ADPRM: variants seen among roughly 807,000 people sequenced by gnomAD.
ADPRM encodes the protein manganese-dependent ADP-ribose/CDP-alcohol diphosphatase.
A neutral mutation model predicts 27.2 loss-of-function variants in ADPRM; 17 were observed. The observed-to-expected ratio is 0.63, with a 90% CI of 0.43 to 0.94. The LOEUF (loss-of-function observed/expected upper bound fraction) is 0.94, where lower values mean the gene tolerates loss of function less well. ADPRM is among the 40% of genes least tolerant of loss of function. ADPRM has a pLI of 0.00. For synonymous variants in ADPRM, 135 were observed against 145.3 expected (o/e 0.93, Z 0.51); for missense variants, 337 against 412.8 (o/e 0.82, Z 1.59).
Position 10,697,640 on chromosome 17 carries a change from G to T in ADPRM, c.-45G>T. 1 of 1,160,280 alleles carries T rather than the reference G, an allele frequency of 8.6e-7. No individual in the cohort carries two copies. Among genetic ancestry groups the T allele is most frequent in the Non-Finnish European group, 1.3e-6 (1 of 797,726 alleles). 71.9% of individuals were successfully genotyped at this position (1,160,280 alleles called of 1,614,324 possible). Reference sequence around the variant, plus strand: ...CGCTGTTACATAGCCCGTAGTCAGAGGCCTTTCAGCCCAGGGGCCGGCGCA... The same window carrying T: ...CGCTGTTACATAGCCCGTAGTCAGATGCCTTTCAGCCCAGGGGCCGGCGCA... On this transcript the variant is annotated 5_prime_UTR_variant, in exon 1 of 4. It adds an upstream start codon to the 5' untranslated region. Coordinates refer to ENST00000379774, the MANE Select transcript of ADPRM (RefSeq NM_020233.5).
intron 3 of ADPRM, among the ~76,000 whole-genome samples, chr17:10,709,218 A>T (rs2074834388): frequency 6.6e-6 from 1 of 152,170 alleles, no homozygotes; most frequent in African/African-American, 2.4e-5. Context: ...GTGCGAGTGG[A>T]GAGGGTAGGG....
chr17:10,705,318 T>C lies in ADPRM; in HGVS notation c.392T>C (p.Leu131Pro). Residue 131 changes from leucine to proline, a missense_variant, in exon 2 of 4, where the codon CTA becomes CCA. By Grantham distance (98) the Leu-to-Pro change is moderately conservative. Coordinates refer to ENST00000379774, the MANE Select transcript of ADPRM (RefSeq NM_020233.5). This position sits in a 1 kb window ranked among gnomAD's most constrained non-coding sequence, Gnocchi z 5.4. The stretch of plus-strand genomic sequence containing the variant: ...CACTCTAAACTTAACACTAAGTTTC[T>C]AGAAGATCAGATTGTACATCATCCT... ...LTHSKLNTKF[L>P]EDQIVHHPET... The C allele has an allele frequency of 6.2e-7, 1 of 1,613,976 alleles. No homozygotes were observed. Among genetic ancestry groups the C allele is most frequent in the Non-Finnish European group, 8.5e-7 (1 of 1,179,940 alleles).
At chr17:10,708,386 C>T (rs1375715892) in intron 3 of ADPRM, among the ~76,000 whole-genome samples, 3 of 141,832 alleles carry the variant, frequency 2.1e-5, no homozygotes, top group Non-Finnish European at 4.5e-5. Context: ...CCAAGATCAC[C>T]CCACTGCACT....
intron 1 of ADPRM, among the ~76,000 whole-genome samples, chr17:10,699,518 C>CTTTTTTTTTTTTTTTTTT (rs781412834): frequency 5.3e-5 from 6 of 113,320 alleles, no homozygotes; most frequent in African/African-American, 1.7e-4. Context: ...TCTTTTCTTT[C>CTTTTTTTTTTTTTTTTTT]TTTTTTTTTT....
At chr17:10,709,444 C>T (rs979650188) in intron 3 of ADPRM, among the ~76,000 whole-genome samples, 2 of 152,130 alleles carry the variant, frequency 1.3e-5, no homozygotes, top group Non-Finnish European at 2.9e-5. Flanking sequence ...GAGGACCAAG[C>T]ATTCAGGCAC....
chr17:10,704,993 A>G lies in ADPRM; in HGVS notation c.67A>G (p.Ile23Val), dbSNP rs1465552115. 3.1e-6 allele frequency: 5 copies of G among 1,614,204 alleles called. No homozygotes were observed. The highest frequency in any genetic ancestry group is 8.5e-7 in the Non-Finnish European group (1 of 1,180,022). Residue 23 changes from isoleucine (I) to valine (V), a missense_variant, in exon 2 of 4, where the codon ATC becomes GTC. Transcript: ENST00000379774. ...AGAGCGTCTTTTCTCCTTTGGCGTC[A>G]TCGCAGATGTTCAATTTGCAGACTT... ...SSERLFSFGV[I>V]ADVQFADLED...
rs1344777702 is a variant in ADPRM at position 10,702,155 on chromosome 17, GGTCCCAAGCATTT to G, written c.-17-2754_-17-2742del. Reference sequence around the variant, plus strand: ...AAAGTCCGAAATCTAAAACACTTCTGGTCCCAAGCATTTTGGATAAGGAGATACTAACCTTATT... The same window carrying G: ...AAAGTCCGAAATCTAAAACACTTCTGTGGATAAGGAGATACTAACCTTATT... On this transcript the variant is annotated intron_variant, in intron 1 of 3. Coordinates refer to ENST00000379774, the MANE Select transcript of ADPRM (RefSeq NM_020233.5). The surrounding 1 kb of genome is among the most constrained non-coding windows in gnomAD (Gnocchi z 4.2). Among the ~76,000 whole-genome samples the G allele has an allele frequency of 6.6e-6, 1 of 152,124 alleles. No homozygotes were observed. The highest frequency in any genetic ancestry group is 1.5e-5 in the Non-Finnish European group (1 of 68,026).
chr17:10,705,816 A>T lies in ADPRM; in HGVS notation c.601+289A>T, dbSNP rs1435605494. Reference sequence around the variant, plus strand: ...TTTTGATGGATGGAATGGAGGGAACAAACACAGTACGTGGGCAAGACAGAT... The same window carrying T: ...TTTTGATGGATGGAATGGAGGGAACTAACACAGTACGTGGGCAAGACAGAT... On this transcript the variant is annotated intron_variant, in intron 2 of 3. Transcript: ENST00000379774. This position sits in a 1 kb window ranked among gnomAD's most constrained non-coding sequence, Gnocchi z 5.4. 7.2e-6 allele frequency: 3 copies of T among 419,046 alleles called. No homozygotes were observed. Among genetic ancestry groups the T allele is most frequent in the African/African-American group, 6.0e-5 (3 of 50,000 alleles). The allele number at this position is 419,046 out of a possible 1,614,324, so 26.0% of individuals were successfully genotyped here.
Position 10,705,564 on chromosome 17 carries a change from G to A in ADPRM, c.601+37G>A, listed in dbSNP as rs1362577224. 1.3e-6 allele frequency: 2 copies of A among 1,589,474 alleles called. No homozygotes were observed. The highest frequency in any genetic ancestry group is 1.4e-5 in the African/African-American group (1 of 74,060). Reference sequence around the variant, plus strand: ...CTTTGAGCTGAGAATCTAATAGATTGTCTTTAAATTCTTCAGCTACCTTTT... The same window carrying A: ...CTTTGAGCTGAGAATCTAATAGATTATCTTTAAATTCTTCAGCTACCTTTT... On this transcript the variant is annotated intron_variant, in intron 2 of 3. Coordinates refer to ENST00000379774, the MANE Select transcript of ADPRM (RefSeq NM_020233.5). The surrounding 1 kb of genome is among the most constrained non-coding windows in gnomAD (Gnocchi z 5.4).
In ADPRM at chr17:10,708,274, C is replaced by G. The variant is rs144467489; in HGVS notation, c.718+1720C>G. Among the ~76,000 whole-genome samples, 1,308 of 151,530 alleles carry G rather than the reference C, an allele frequency of 8.6e-3. 57 individuals are homozygous for G. The East Asian group carries it at 0.14, about 16-fold the overall frequency. ...TGAAACCCCGTCTCTACTAAAAATA[C>G]AAAAATTAGCCGGGCGTGGTGGCAG... On this transcript the variant is annotated intron_variant, in intron 3 of 3. Transcript: ENST00000379774.
At chr17:10,708,450 A>AAAC (rs57337863) in intron 3 of ADPRM, among the ~76,000 whole-genome samples, 60 of 118,946 alleles carry the variant, frequency 5.0e-4, no homozygotes, top group Admixed American at 5.8e-4. Context: ...AAAAAAAAAA[A>AAAC]CCTTTGAAAA....
rs552576571 is a variant in ADPRM at position 10,708,581 on chromosome 17, C to T, written c.718+2027C>T. 9.2e-5 allele frequency among the ~76,000 whole-genome samples: 14 copies of T among 151,986 alleles called. No homozygotes were observed. In the East Asian group the frequency reaches 2.6e-3, roughly 29 times the overall value. ...CGTAGAAGGAGCAGAAGTGTTTCTG[C>T]TAACACTGGAATACCAGGTGTCATT... is the stretch of plus-strand genomic sequence containing the variant. On this transcript the variant is annotated intron_variant, in intron 3 of 3. Transcript: ENST00000379774.
rs538529693 is a variant in ADPRM at position 10,711,385 on chromosome 17, A to G, written c.*241A>G. ...GGGGTGTATAGTCCTCATAAGGGGC[A>G]TATAGTCCTCATGAGGGATCTTATT... On this transcript the variant is annotated 3_prime_UTR_variant, in exon 4 of 4. Coordinates refer to ENST00000379774, the MANE Select transcript of ADPRM (RefSeq NM_020233.5). 6.6e-6 allele frequency among the ~76,000 whole-genome samples: 1 copy of G among 152,336 alleles called. No homozygotes were observed. The highest frequency in any genetic ancestry group is 1.9e-4 in the East Asian group (1 of 5,184).
Position 10,697,635 on chromosome 17 carries a change from T to C in ADPRM, c.-50T>C. 2 of 1,196,798 alleles carry C rather than the reference T, an allele frequency of 1.7e-6. No individual in the cohort carries two copies. The highest frequency in any genetic ancestry group is 2.0e-5 in the Admixed American group (1 of 50,984). 74.1% of individuals were successfully genotyped at this position (1,196,798 alleles called of 1,614,324 possible). ...GGTGGCGCTGTTACATAGCCCGTAGTCAGAGGCCTTTCAGCCCAGGGGCCG... is the reference window on the plus strand; with the variant it reads ...GGTGGCGCTGTTACATAGCCCGTAGCCAGAGGCCTTTCAGCCCAGGGGCCG... On this transcript the variant is annotated 5_prime_UTR_variant, in exon 1 of 4. Coordinates refer to ENST00000379774, the MANE Select transcript of ADPRM (RefSeq NM_020233.5).
chr17:10,705,827 G>C lies in ADPRM; in HGVS notation c.601+300G>C. 2.6e-6 allele frequency: 1 copy of C among 384,078 alleles called. No individual in the cohort carries two copies. The highest frequency in any genetic ancestry group is 4.8e-6 in the Non-Finnish European group (1 of 208,662). 23.8% of individuals were successfully genotyped at this position (384,078 alleles called of 1,614,324 possible). A position where few individuals can be genotyped will look rare whatever the true frequency, so the allele number is the denominator to read the frequency against. The stretch of plus-strand genomic sequence containing the variant: ...GGAATGGAGGGAACAAACACAGTAC[G>C]TGGGCAAGACAGATGATAAATGAAA... On this transcript the variant is annotated intron_variant, in intron 2 of 3. Transcript: ENST00000379774. The surrounding 1 kb of genome is among the most constrained non-coding windows in gnomAD (Gnocchi z 5.4).
chr17:10,702,354 T>G lies in ADPRM; in HGVS notation c.-17-2556T>G, dbSNP rs949940777. On this transcript the variant is annotated intron_variant, in intron 1 of 3. Transcript: ENST00000379774. This position sits in a 1 kb window ranked among gnomAD's most constrained non-coding sequence, Gnocchi z 4.2. ...TTGAGTTTTTCTAAACTGAACTTGTTCCAGTGGAAGGTGTATTTGAGAGGA... is the reference window on the plus strand; with the variant it reads ...TTGAGTTTTTCTAAACTGAACTTGTGCCAGTGGAAGGTGTATTTGAGAGGA... Among the ~76,000 whole-genome samples, 2 of 152,212 alleles carry G rather than the reference T, an allele frequency of 1.3e-5. No homozygotes were observed. Among genetic ancestry groups the G allele is most frequent in the Admixed American group, 1.3e-4 (2 of 15,280 alleles).
chr17:10,705,888 C>A lies in ADPRM; in HGVS notation c.601+361C>A. Reference sequence around the variant, plus strand: ...ATTATTTCCACGGTCGTAAGTGCTGCCAAGGAAATAGAGTATGATGTTATA... The same window carrying A: ...ATTATTTCCACGGTCGTAAGTGCTGACAAGGAAATAGAGTATGATGTTATA... On this transcript the variant is annotated intron_variant, in intron 2 of 3. Transcript: ENST00000379774. This position sits in a 1 kb window ranked among gnomAD's most constrained non-coding sequence, Gnocchi z 5.4. 1 of 276,870 alleles carries A rather than the reference C, an allele frequency of 3.6e-6. No individual in the cohort carries two copies. The highest frequency in any genetic ancestry group is 6.9e-6 in the Non-Finnish European group (1 of 144,836). The allele number at this position is 276,870 out of a possible 1,614,324, so 17.2% of individuals were successfully genotyped here. A position where few individuals can be genotyped will look rare whatever the true frequency, so the allele number is the denominator to read the frequency against.
Position 10,705,669 on chromosome 17 carries a change from C to T in ADPRM, c.601+142C>T, listed in dbSNP as rs77223753. 7.7e-7 allele frequency: 1 copy of T among 1,297,214 alleles called. No individual in the cohort carries two copies. The highest frequency in any genetic ancestry group is 2.5e-5 in the East Asian group (1 of 39,880). The allele number at this position is 1,297,214 out of a possible 1,614,324, so 80.4% of individuals were successfully genotyped here. On this transcript the variant is annotated intron_variant, in intron 2 of 3. Transcript: ENST00000379774. The surrounding 1 kb of genome is among the most constrained non-coding windows in gnomAD (Gnocchi z 5.4). ...TCAGGATTTCTCACAAGCCTTCTCACATGGATTGGTTACAGTTGATTCAAG... is the reference window on the plus strand; with the variant it reads ...TCAGGATTTCTCACAAGCCTTCTCATATGGATTGGTTACAGTTGATTCAAG...
At chr17:10,708,450 A>AAAAAAC (rs57337863) in intron 3 of ADPRM, among the ~76,000 whole-genome samples, 2,768 of 118,756 alleles carry the variant, frequency 0.023, 299 homozygotes, top group African/African-American at 0.067. Flanking sequence ...AAAAAAAAAA[A>AAAAAAC]CCTTTGAAAA....
Sources: gnomAD v4.1 joint callset for allele counts (sites outside exome capture counted in the v4.1 genomes callset) on GRCh38, gnomAD v4.1.1 for gene constraint, Gnocchi (gnomAD v3.1) non-coding constraint, MANE v1.5 for transcripts, NCBI Gene and HGNC (gene_info 2026-07-23, HGNC 2026-07-21) for gene names.